BCKDHB: variants seen among roughly 807,000 people sequenced by gnomAD.
BCKDHB encodes the protein 2-oxoisovalerate dehydrogenase subunit beta, mitochondrial.
In BCKDHB, 41 loss-of-function variants were observed where a neutral mutation model predicts 48.5. That is an observed-to-expected ratio of 0.85 (90% CI 0.66 to 1.10). The LOEUF (loss-of-function observed/expected upper bound fraction) is 1.10. BCKDHB is among the 50% of genes least tolerant of loss of function. The pLI is 0.00. For synonymous variants in BCKDHB, 201 were observed against 174.8 expected (o/e 1.15, Z -1.18); for missense variants, 496 against 494.2 (o/e 1.00, Z -0.03).
At chr6:80,315,626 A>G (rs1768408811) in intron 9 of BCKDHB, among the ~76,000 whole-genome samples, 1 of 146,482 alleles carries the variant, frequency 6.8e-6, no homozygotes, top group Non-Finnish European at 1.5e-5. Flanking sequence ...ATTTATTTTT[A>G]TTTATTTTTA....
intron 8 of BCKDHB, among the ~76,000 whole-genome samples, chr6:80,262,539 C>G (rs896902546): frequency 2.6e-5 from 4 of 152,082 alleles, no homozygotes; most frequent in African/African-American, 9.7e-5. Flanking sequence ...GACTTAATGG[C>G]AGTTTACATG....
chr6:80,260,226 T>TGTGG (rs1554203482), intron 8 of BCKDHB, among the ~76,000 whole-genome samples: 4 of 151,646 alleles, frequency 2.6e-5, no homozygotes, highest in Admixed American at 2.0e-4. Flanking sequence ...TGTGTGTGTG[T>TGTGG]GTGGGGTAAT....
At chr6:80,306,513 T>C (rs1767883761) in intron 9 of BCKDHB, among the ~76,000 whole-genome samples, 1 of 152,170 alleles carries the variant, frequency 6.6e-6, no homozygotes, top group Non-Finnish European at 1.5e-5. Flanking sequence ...TTCTCTGAGA[T>C]TGATGAATGA....
intron 9 of BCKDHB, among the ~76,000 whole-genome samples, chr6:80,298,752 C>T (rs537729139): frequency 1.6e-4 from 25 of 152,156 alleles, no homozygotes; most frequent in African/African-American, 2.4e-4. Flanking sequence ...GAGAGGAAAG[C>T]GTTGCCTGTG....
chr6:80,444,025 T>C, the BCKDHB span, among the ~76,000 whole-genome samples: 1 of 152,008 alleles, frequency 6.6e-6, no homozygotes, highest in Non-Finnish European at 1.5e-5. Flanking sequence ...AGAAATTACA[T>C]ATTTCACTAC....
At chr6:80,249,425 A>G (rs889910287) in intron 8 of BCKDHB, among the ~76,000 whole-genome samples, 1 of 152,184 alleles carries the variant, frequency 6.6e-6, no homozygotes, top group African/African-American at 2.4e-5. Context: ...TTACCATTAA[A>G]AAAAAAATCA....
chr6:80,300,129 G>T (rs1767504890), intron 9 of BCKDHB, among the ~76,000 whole-genome samples: 1 of 151,426 alleles, frequency 6.6e-6, no homozygotes, highest in Admixed American at 6.6e-5. Flanking sequence ...TCAGCCCACT[G>T]CATCCTTGAC....
chr6:80,185,847 A>G (rs548541722), intron 6 of BCKDHB, among the ~76,000 whole-genome samples: 1 of 152,290 alleles, frequency 6.6e-6, no homozygotes, highest in Admixed American at 6.5e-5. Flanking sequence ...AGTGTACTCT[A>G]TGATAGTCCT....
intron 8 of BCKDHB, among the ~76,000 whole-genome samples, chr6:80,211,769 C>A (rs1774944929): frequency 6.6e-6 from 1 of 152,084 alleles, no homozygotes; most frequent in Non-Finnish European, 1.5e-5. Flanking sequence ...TAAGTGTTGG[C>A]TGGCTGAGAA....
intron 9 of BCKDHB, among the ~76,000 whole-genome samples, chr6:80,309,862 C>T (rs1426965091): frequency 6.6e-6 from 1 of 152,184 alleles, no homozygotes; most frequent in Non-Finnish European, 1.5e-5. Flanking sequence ...CTGCCAACCT[C>T]AGCCCTCAAG....
intron 8 of BCKDHB, among the ~76,000 whole-genome samples, chr6:80,248,133 C>T (rs368676168): frequency 4.6e-5 from 7 of 152,288 alleles, no homozygotes; most frequent in African/African-American, 1.4e-4. Context: ...TTCCTGCTCT[C>T]TTTTCAATGC....
the BCKDHB span, among the ~76,000 whole-genome samples, chr6:80,412,024 G>C: frequency 6.6e-6 from 1 of 152,188 alleles, no homozygotes; most frequent in African/African-American, 2.4e-5. Flanking sequence ...TGCAGAAATT[G>C]CCTGTCTTCT....
intron 9 of BCKDHB, among the ~76,000 whole-genome samples, chr6:80,319,005 G>A (rs1768581219): frequency 6.6e-6 from 1 of 152,174 alleles, no homozygotes; most frequent in Non-Finnish European, 1.5e-5. Context: ...TTAGTTATCT[G>A]TTATAATGGG....
the BCKDHB span, among the ~76,000 whole-genome samples, chr6:80,417,837 T>A: frequency 6.6e-6 from 1 of 152,186 alleles, no homozygotes; most frequent in Non-Finnish European, 1.5e-5. Context: ...TGGAGTATCT[T>A]ACTGAGGTTC....
At chr6:80,423,496 G>A in the BCKDHB span, among the ~76,000 whole-genome samples, 1 of 152,036 alleles carries the variant, frequency 6.6e-6, no homozygotes, top group South Asian at 2.1e-4. Context: ...TTTCTTCTTA[G>A]TCTTCCCCCT....
the BCKDHB span, among the ~76,000 whole-genome samples, chr6:80,421,531 T>G: frequency 3.5e-4 from 54 of 152,114 alleles, no homozygotes; most frequent in African/African-American, 1.3e-3. Flanking sequence ...GAGGGAAAGA[T>G]TGGAACTTCC....
intron 8 of BCKDHB, among the ~76,000 whole-genome samples, chr6:80,270,603 C>T (rs145098398): frequency 6.6e-6 from 1 of 152,200 alleles, no homozygotes; most frequent in Non-Finnish European, 1.5e-5. Context: ...AGCCTAACTC[C>T]TCATCTGAGA....
the BCKDHB span, among the ~76,000 whole-genome samples, chr6:80,450,149 A>T: frequency 1.3e-5 from 2 of 152,298 alleles, no homozygotes; most frequent in Non-Finnish European, 1.5e-5. Context: ...AGGGTGTTTT[A>T]TGTTTGTCAA....
the BCKDHB span, among the ~76,000 whole-genome samples, chr6:80,370,973 A>G: frequency 1.3e-5 from 2 of 152,106 alleles, no homozygotes; most frequent in Non-Finnish European, 2.9e-5. Flanking sequence ...TCTTTTTCAT[A>G]TAATGACTTC....
Sources: allele counts gnomAD v4.1 joint callset (sites outside exome capture counted in the v4.1 genomes callset), GRCh38; gene constraint gnomAD v4.1.1; transcripts MANE v1.5; gene names NCBI Gene and HGNC (gene_info 2026-07-23, HGNC 2026-07-21).